The following UTRN variants were observed in gnomAD, a reference collection of about 807,000 sequenced individuals.
UTRN encodes dystrophin-related protein 1.
Under a neutral mutation model 463.9 loss-of-function variants are expected in UTRN, and 283 were observed. That is an observed-to-expected ratio of 0.61 (90% CI 0.55 to 0.67). The LOEUF (loss-of-function observed/expected upper bound fraction) is 0.67, where lower values mean the gene tolerates loss of function less well. UTRN is among the 30% of genes least tolerant of loss of function. UTRN has a pLI of 0.00. For missense variants in UTRN, 3,922 were observed against 4,084.3 expected (o/e 0.96, Z 1.08); for synonymous variants, 1,442 against 1,431.5 (o/e 1.01, Z -0.17).
chr6:144,776,952 C>T (rs1775378069), intron 60 of UTRN, among the ~76,000 whole-genome samples: 1 of 152,154 alleles, frequency 6.6e-6, no homozygotes, highest in African/African-American at 2.4e-5. Flanking sequence ...TCTATGGCTC[C>T]TCATAGAACT....
chr6:144,798,848 TC>T (rs1285831174), intron 64 of UTRN, among the ~76,000 whole-genome samples: 4 of 152,212 alleles, frequency 2.6e-5, no homozygotes, highest in Non-Finnish European at 5.9e-5. Context: ...TTCACGCGAT[TC>T]CCCTGCCTCG....
chr6:144,633,030 C>T (rs1164862354), intron 51 of UTRN, among the ~76,000 whole-genome samples: 1 of 151,478 alleles, frequency 6.6e-6, no homozygotes, highest in African/African-American at 2.4e-5. Context: ...CCAACTTTTA[C>T]CTTTTTAAAG....
intron 2 of UTRN, among the ~76,000 whole-genome samples, chr6:144,391,214 GGCAT>G (rs1178253067): frequency 6.6e-6 from 1 of 152,020 alleles, no homozygotes; most frequent in East Asian, 1.9e-4. Flanking sequence ...TGGTACTACA[GGCAT>G]GTACCACCAT....
intron 53 of UTRN, among the ~76,000 whole-genome samples, chr6:144,726,399 C>T (rs1167193230): frequency 6.6e-6 from 1 of 152,128 alleles, no homozygotes; most frequent in Non-Finnish European, 1.5e-5. Context: ...GAGTACCTTT[C>T]CCTCTCTGCA....
At chr6:144,767,622 T>A (rs1447488315) in intron 58 of UTRN, among the ~76,000 whole-genome samples, 2 of 152,088 alleles carry the variant, frequency 1.3e-5, no homozygotes, top group Non-Finnish European at 2.9e-5. Flanking sequence ...CCAAATAGAA[T>A]TTACACATAG....
chr6:144,702,160 C>G (rs1486287508), intron 53 of UTRN, among the ~76,000 whole-genome samples: 1 of 152,150 alleles, frequency 6.6e-6, no homozygotes, highest in Non-Finnish European at 1.5e-5. Context: ...ATAGTGTTTA[C>G]CGAAATCCAC....
intron 2 of UTRN, among the ~76,000 whole-genome samples, chr6:144,360,062 C>CTTCCT (rs1434753636): frequency 3.9e-5 from 4 of 103,862 alleles, no homozygotes; most frequent in Non-Finnish European, 7.2e-5. Context: ...CTTCCCTTCC[C>CTTCCT]TTCCCTTCCC....
intron 52 of UTRN, among the ~76,000 whole-genome samples, chr6:144,687,959 T>G (rs1354888178): frequency 1.4e-4 from 22 of 152,184 alleles, no homozygotes; most frequent in Admixed American, 1.0e-3. Flanking sequence ...ACTATTTGGT[T>G]TTTCTTCTCC....
intron 51 of UTRN, among the ~76,000 whole-genome samples, chr6:144,619,049 C>T (rs924560794): frequency 6.6e-6 from 1 of 152,066 alleles, no homozygotes; most frequent in Non-Finnish European, 1.5e-5. Flanking sequence ...ATTTTGCTGA[C>T]ACTTAGCAAT....
intron 64 of UTRN, among the ~76,000 whole-genome samples, chr6:144,798,213 T>A (rs1586619231): frequency 6.6e-6 from 1 of 152,200 alleles, no homozygotes; most frequent in East Asian, 1.9e-4. Context: ...TTTACACTAC[T>A]TGGATCAGAA....
chr6:144,378,531 G>A (rs551839906), intron 2 of UTRN, among the ~76,000 whole-genome samples: 5 of 152,272 alleles, frequency 3.3e-5, no homozygotes, highest in East Asian at 1.9e-4. Context: ...TGCAATGTTC[G>A]TCTGAATTAA....
At chr6:144,610,964 A>T (rs1805450881) in intron 51 of UTRN, among the ~76,000 whole-genome samples, 1 of 152,164 alleles carries the variant, frequency 6.6e-6, no homozygotes, top group South Asian at 2.1e-4. Flanking sequence ...CCCTCAACAA[A>T]CTATTAGCAA....
At chr6:144,611,369 C>T (rs923977937) in intron 51 of UTRN, among the ~76,000 whole-genome samples, 5 of 151,954 alleles carry the variant, frequency 3.3e-5, no homozygotes, top group South Asian at 2.1e-4. Context: ...CTAGCCAGAG[C>T]GATTAGGGAA....
At chr6:144,800,662 G>A (rs1473253302) in intron 64 of UTRN, among the ~76,000 whole-genome samples, 1 of 152,186 alleles carries the variant, frequency 6.6e-6, no homozygotes, top group African/African-American at 2.4e-5. Flanking sequence ...CATAGGAATA[G>A]TTAATACATG....
At chr6:144,600,904 T>C (rs747729467) in intron 51 of UTRN, among the ~76,000 whole-genome samples, 12 of 152,202 alleles carry the variant, frequency 7.9e-5, no homozygotes, top group African/African-American at 2.4e-4. Flanking sequence ...GACTTTAATT[T>C]GAAACCATTG....
chr6:144,778,372 A>G (rs2128736611), intron 60 of UTRN, among the ~76,000 whole-genome samples: 1 of 152,178 alleles, frequency 6.6e-6, no homozygotes, highest in Non-Finnish European at 1.5e-5. Context: ...CTTTATGGGG[A>G]GAGGTTCCTG....
At chr6:144,680,176 A>G (rs1782063368) in intron 52 of UTRN, among the ~76,000 whole-genome samples, 1 of 152,180 alleles carries the variant, frequency 6.6e-6, no homozygotes, top group African/African-American at 2.4e-5. Context: ...AAGATGGTAT[A>G]CATGGTGCTG....
intron 53 of UTRN, among the ~76,000 whole-genome samples, chr6:144,709,709 GAA>G (rs1374514576): frequency 2.6e-5 from 4 of 152,178 alleles, no homozygotes; most frequent in African/African-American, 9.7e-5. Flanking sequence ...GGAATTTTGT[GAA>G]GAGACAAAGA....
chr6:144,786,351 T>C (rs1173913586), intron 61 of UTRN, among the ~76,000 whole-genome samples: 1 of 152,210 alleles, frequency 6.6e-6, no homozygotes, highest in African/African-American at 2.4e-5. Context: ...AGTGGCATGA[T>C]GTCAGCTCAC....
Sources: gnomAD v4.1 joint callset for allele counts (sites outside exome capture counted in the v4.1 genomes callset) on GRCh38, gnomAD v4.1.1 for gene constraint, MANE v1.5 for transcripts, NCBI Gene and HGNC (gene_info 2026-07-23, HGNC 2026-07-21) for gene names.